Variants in KCND2 observed in about 807,000 individuals in gnomAD.
KCND2 encodes the protein A-type voltage-gated potassium channel KCND2.
Under a neutral mutation model 54.4 loss-of-function variants are expected in KCND2, and 16 were observed. The ratio of observed to expected loss-of-function variants is 0.29; its 90% CI spans 0.20 to 0.45. The LOEUF (loss-of-function observed/expected upper bound fraction) is 0.45, where lower values mean the gene tolerates loss of function less well. Ranked by LOEUF, KCND2 falls within the 20% of genes least tolerant of loss-of-function variation. The probability of loss-of-function intolerance (pLI) is 1.00; values close to 1 mark genes in which losing one functional copy is unlikely to be tolerated. For missense variants in KCND2, 486 were observed against 824.2 expected, an observed-to-expected ratio of 0.59 and a Z score of 5.02; for synonymous variants, 317 against 310.7, an observed-to-expected ratio of 1.02 and a Z score of -0.21.
chr7:120,523,582 T>A (rs1791728388), intron 1 of KCND2, among the ~76,000 whole-genome samples: 1 of 148,118 alleles, frequency 6.8e-6, no homozygotes, highest in African/African-American at 2.5e-5. Context: ...AAAAAAAACA[T>A]ACACACACAC....
Position 120,347,369 on chromosome 7 carries a change from G to A in KCND2, c.1115+71622G>A, listed in dbSNP as rs569055874. On this transcript the variant is annotated intron_variant, in intron 1 of 5. Transcript: ENST00000331113. ...ACCCAGCTCTTAAACTTCTGCATCT[G>A]GGCATGCTACTTATGTGTAAATGAA... 2.0e-5 allele frequency among the ~76,000 whole-genome samples: 3 copies of A among 151,858 alleles called. No homozygotes were observed. The East Asian group carries it at 5.8e-4, about 29-fold the overall frequency.
intron 1 of KCND2, among the ~76,000 whole-genome samples, chr7:120,391,003 T>A (rs6950268): frequency 0.93 from 141,061 of 152,072 alleles, 65,733 homozygotes; most frequent in Admixed American, 0.97. Flanking sequence ...TGCACCTATC[T>A]ACACATCATC....
At chr7:120,304,591 C>G (rs1799624961) in intron 1 of KCND2, among the ~76,000 whole-genome samples, 1 of 152,152 alleles carries the variant, frequency 6.6e-6, no homozygotes, top group African/African-American at 2.4e-5. Context: ...AACGTGTACT[C>G]CAGCTTATTC....
chr7:120,595,591 G>A (rs867447484), intron 1 of KCND2, among the ~76,000 whole-genome samples: 22 of 131,876 alleles, frequency 1.7e-4, no homozygotes, highest in South Asian at 4.8e-4. Flanking sequence ...GTGTGTGTGT[G>A]TATATATATA....
At chr7:120,468,586 T>C (rs1316761077) in intron 1 of KCND2, among the ~76,000 whole-genome samples, 1 of 152,148 alleles carries the variant, frequency 6.6e-6, no homozygotes, top group Non-Finnish European at 1.5e-5. Flanking sequence ...TAGAAACTTA[T>C]TTTCTGTAGG....
chr7:120,462,993 A>G (rs76446034), intron 1 of KCND2, among the ~76,000 whole-genome samples: 1 of 152,070 alleles, frequency 6.6e-6, no homozygotes. Flanking sequence ...TGTCAAGCAA[A>G]GATAGGCCAT....
chr7:120,681,525 G>GTT (rs550974766), intron 1 of KCND2, among the ~76,000 whole-genome samples: 170 of 151,240 alleles, frequency 1.1e-3, no homozygotes, highest in African/African-American at 4.0e-3. Context: ...TAACAAATAA[G>GTT]TTCTCTCTCT....
chr7:120,578,104 A>G (rs967752517), intron 1 of KCND2, among the ~76,000 whole-genome samples: 5 of 151,896 alleles, frequency 3.3e-5, no homozygotes, highest in African/African-American at 1.2e-4. Context: ...AGGAAGAGGA[A>G]GAGGAAGAAG....
At chr7:120,560,021 A>G (rs965086622) in intron 1 of KCND2, among the ~76,000 whole-genome samples, 9 of 152,202 alleles carry the variant, frequency 5.9e-5, no homozygotes, top group Non-Finnish European at 1.0e-4. Flanking sequence ...CTGTGGTAGA[A>G]CTGGAATGAC....
At chr7:120,459,205 A>C (rs1457346085) in intron 1 of KCND2, among the ~76,000 whole-genome samples, 1 of 152,048 alleles carries the variant, frequency 6.6e-6, no homozygotes, top group Admixed American at 6.6e-5. Flanking sequence ...TCATTCCCTG[A>C]ACTCCAGCCA....
chr7:120,619,943 G>C (rs1562889795), intron 1 of KCND2, among the ~76,000 whole-genome samples: 1 of 152,114 alleles, frequency 6.6e-6, no homozygotes, highest in Non-Finnish European at 1.5e-5. Flanking sequence ...ATGTGGAAAA[G>C]AAGAGGCTGA....
At chr7:120,391,112 C>G (rs904695932) in intron 1 of KCND2, among the ~76,000 whole-genome samples, 1 of 152,082 alleles carries the variant, frequency 6.6e-6, no homozygotes, top group Non-Finnish European at 1.5e-5. Flanking sequence ...GTTCCCCTCC[C>G]TGTGTACATG....
chr7:120,522,746 T>C (rs944598771), intron 1 of KCND2, among the ~76,000 whole-genome samples: 1 of 152,210 alleles, frequency 6.6e-6, no homozygotes, highest in African/African-American at 2.4e-5. Context: ...AGCTACTTTA[T>C]GACATTAGAC....
intron 1 of KCND2, among the ~76,000 whole-genome samples, chr7:120,370,112 G>A (rs1250804674): frequency 6.6e-6 from 1 of 151,976 alleles, no homozygotes; most frequent in Non-Finnish European, 1.5e-5. Flanking sequence ...TGAGGAACTT[G>A]GCAGTGGGGA....
chr7:120,562,277 T>C (rs148134694), intron 1 of KCND2, among the ~76,000 whole-genome samples: 3 of 152,024 alleles, frequency 2.0e-5, no homozygotes. Flanking sequence ...TTAACTGAGA[T>C]AAAGATGTCA....
chr7:120,465,243 C>T (rs1036286752), intron 1 of KCND2, among the ~76,000 whole-genome samples: 6 of 152,030 alleles, frequency 3.9e-5, no homozygotes, highest in African/African-American at 1.4e-4. Context: ...TGATACTTAT[C>T]TTGGGTTCTT....
intron 1 of KCND2, among the ~76,000 whole-genome samples, chr7:120,679,839 G>A (rs551157104): frequency 6.6e-6 from 1 of 152,132 alleles, no homozygotes; most frequent in East Asian, 1.9e-4. Context: ...TACCCAAAAA[G>A]GGGTTCTTTA....
At chr7:120,481,118 A>G (rs1472082919) in intron 1 of KCND2, among the ~76,000 whole-genome samples, 1 of 152,252 alleles carries the variant, frequency 6.6e-6, no homozygotes, top group Non-Finnish European at 1.5e-5. Context: ...AAGGCCTCAG[A>G]TGGAAATGAG....
chr7:120,454,884 C>T (rs1401290366), intron 1 of KCND2, among the ~76,000 whole-genome samples: 1 of 152,112 alleles, frequency 6.6e-6, no homozygotes, highest in East Asian at 1.9e-4. Flanking sequence ...TTCTATAAAG[C>T]AACAATGTCC....
Sources: allele counts gnomAD v4.1 joint callset (sites outside exome capture counted in the v4.1 genomes callset), GRCh38; gene constraint gnomAD v4.1.1; transcripts MANE v1.5; gene names NCBI Gene and HGNC (gene_info 2026-07-23, HGNC 2026-07-21).